The following ATP10D variants were observed in gnomAD, a reference collection of about 807,000 sequenced individuals.
ATP10D encodes ATPase phospholipid transporting 10D (putative).
Under a neutral mutation model 144.8 loss-of-function variants are expected in ATP10D, and 89 were observed. The observed-to-expected ratio is 0.61, with a 90% confidence interval of 0.52 to 0.73. The LOEUF (loss-of-function observed/expected upper bound fraction) is 0.73. Among genes scored for constraint, ATP10D ranks in the 30% least tolerant of loss-of-function variants. The probability of loss-of-function intolerance (pLI) is 0.00; values close to 1 mark genes in which losing one functional copy is unlikely to be tolerated. For synonymous variants in ATP10D, 571 were observed against 615.1 expected (o/e 0.93, Z 1.06); for missense variants, 1,603 against 1,714.8 (o/e 0.93, Z 1.15).
intron 1 of ATP10D, among the ~76,000 whole-genome samples, chr4:47,505,248 T>C (rs1461121792): frequency 6.6e-6 from 1 of 152,244 alleles, no homozygotes; most frequent in African/African-American, 2.4e-5. Context: ...ACATGAGTGA[T>C]AGCTAATAAA....
chr4:47,501,606 C>G (rs554569108), intron 1 of ATP10D, among the ~76,000 whole-genome samples: 2 of 152,256 alleles, frequency 1.3e-5, no homozygotes, highest in African/African-American at 4.8e-5. Context: ...TATCAGAGCC[C>G]TCTGATAGCC....
intron 10 of ATP10D, among the ~76,000 whole-genome samples, chr4:47,549,846 T>G (rs13106975): frequency 0.23 from 34,587 of 152,032 alleles, 4,003 homozygotes; most frequent in East Asian, 0.3. Flanking sequence ...GGAAAGGCAT[T>G]TGGAGCTGAC....
chr4:47,591,483 G>A lies in ATP10D; in HGVS notation c.*102G>A, dbSNP rs1195530453. 5 of 1,007,416 alleles carry A rather than the reference G, an allele frequency of 5.0e-6. No individual in the cohort carries two copies. The South Asian group carries it at 6.7e-5, about 13-fold the overall frequency. 62.4% of individuals were successfully genotyped at this position (1,007,416 alleles called of 1,614,324 possible). Reference sequence around the variant, plus strand: ...TGACTTGTTTTTCCATAAGGGACATGAGCATTTTACTAGGCTTGGAAGAGC... The same window carrying A: ...TGACTTGTTTTTCCATAAGGGACATAAGCATTTTACTAGGCTTGGAAGAGC... On this transcript the variant is annotated 3_prime_UTR_variant, in exon 23 of 23. Transcript: ENST00000273859.
At chr4:47,495,982 C>T in intron 1 of ATP10D, among the ~76,000 whole-genome samples, 1 of 151,708 alleles carries the variant, frequency 6.6e-6, no homozygotes, top group Non-Finnish European at 1.5e-5. Context: ...GGTGATCTGC[C>T]CACCTCGGCC....
chr4:47,515,712 A>G (rs950239648), intron 3 of ATP10D, 42 bp downstream of exon 3: 3 of 1,431,766 alleles, frequency 2.1e-6, no homozygotes, highest in Admixed American at 1.9e-5. Flanking sequence ...TGTATGTATC[A>G]TTGAGAAATA....
intron 1 of ATP10D, among the ~76,000 whole-genome samples, chr4:47,511,792 T>C (rs1716342405): frequency 6.6e-6 from 1 of 152,118 alleles, no homozygotes; most frequent in Admixed American, 6.5e-5. Flanking sequence ...CAGTCAGTGG[T>C]GTTATTTATG....
chr4:47,509,909 G>A (rs1388154691), intron 1 of ATP10D, among the ~76,000 whole-genome samples: 1 of 151,116 alleles, frequency 6.6e-6, no homozygotes, highest in African/African-American at 2.4e-5. Context: ...AGGTGGTAAG[G>A]GTAAGAAATA....
At chr4:47,573,444 T>C (rs7699613) in intron 18 of ATP10D, among the ~76,000 whole-genome samples, 67,905 of 152,106 alleles carry the variant, frequency 0.45, 15,619 homozygotes, top group East Asian at 0.7. Flanking sequence ...GAAAACCTAG[T>C]ATGTCTTAGC....
chr4:47,530,116 C>G (rs1475391064), intron 5 of ATP10D, among the ~76,000 whole-genome samples: 2 of 152,098 alleles, frequency 1.3e-5, no homozygotes, highest in Non-Finnish European at 2.9e-5. Flanking sequence ...TTCCTATTTT[C>G]CAATTTGAAT....
rs1441700314 is a variant in ATP10D, at chr4:47,536,008, C to G, written c.990C>G (p.Val330=). Residue 330 remains valine, a synonymous_variant, in exon 7 of 23, where the codon GTC becomes GTG. Transcript: ENST00000273859. The part of the protein sequence containing the change: ...TDVLWCVMLL[V]IMCLTGAVGH... ...TCCTCTGGTGTGTCATGCTTCTGGT[C>G]ATAATGTGCTTAACTGGCGCAGTAG... 6.2e-7 allele frequency: 1 copy of G among 1,612,072 alleles called. No homozygotes were observed. The highest frequency in any genetic ancestry group is 2.2e-5 in the East Asian group (1 of 44,852).
At chr4:47,561,577 G>T (rs1243914073) in intron 14 of ATP10D, among the ~76,000 whole-genome samples, 1 of 152,028 alleles carries the variant, frequency 6.6e-6, no homozygotes, top group Admixed American at 6.6e-5. Flanking sequence ...TGTTTGCCTG[G>T]CTCCAAGCTT....
intron 1 of ATP10D, among the ~76,000 whole-genome samples, chr4:47,498,128 A>C (rs559607433): frequency 6.6e-6 from 1 of 152,318 alleles, no homozygotes; most frequent in African/African-American, 2.4e-5. Context: ...GGTCATAAGA[A>C]GTCCCACTAG....
intron 10 of ATP10D, among the ~76,000 whole-genome samples, chr4:47,548,096 C>T (rs369194146): frequency 1.3e-5 from 2 of 152,010 alleles, no homozygotes; most frequent in South Asian, 4.2e-4. Context: ...CATTTTCCAT[C>T]CACCTGAAAG....
intron 15 of ATP10D, among the ~76,000 whole-genome samples, chr4:47,564,328 AAAGTTTTTTTT>A (rs1197983188): frequency 6.6e-6 from 1 of 151,208 alleles, no homozygotes; most frequent in Non-Finnish European, 1.5e-5. Context: ...GCATTAGAAG[AAAGTTTTTTTT>A]TTTTATTTGC....
intron 1 of ATP10D, among the ~76,000 whole-genome samples, chr4:47,495,434 C>G (rs894733333): frequency 6.6e-6 from 1 of 152,044 alleles, no homozygotes; most frequent in Non-Finnish European, 1.5e-5. Context: ...GAAGTTTCAT[C>G]AAAATTTAAC....
chr4:47,587,299 A>G lies in ATP10D; in HGVS notation c.3941+93A>G, dbSNP rs572442177. The stretch of plus-strand genomic sequence containing the variant: ...CACTACTACGAATGGTTGGCAGCCC[A>G]CCCTGTTTAGTAGTGAGAAAGTCAA... On this transcript the variant is annotated intron_variant, in intron 22 of 22. Coordinates refer to ENST00000273859, the MANE Select transcript of ATP10D (RefSeq NM_020453.4). 3.1e-4 allele frequency: 359 copies of G among 1,156,926 alleles called. No homozygotes were observed. The African/African-American group carries it at 5.1e-3, about 16-fold the overall frequency. 71.7% of individuals were successfully genotyped at this position (1,156,926 alleles called of 1,614,324 possible).
chr4:47,490,219 CTTCTTTACTAAA>C (rs1307960591), intron 1 of ATP10D, among the ~76,000 whole-genome samples: 6 of 152,144 alleles, frequency 3.9e-5, no homozygotes, highest in Non-Finnish European at 8.8e-5. Context: ...AACATCTCTT[CTTCTTTACTAAA>C]TTCTTTCCTA....
At chr4:47,537,010 T>C (rs981092155) in intron 9 of ATP10D, 72 bp downstream of exon 9, 3 of 1,479,612 alleles carry the variant, frequency 2.0e-6, no homozygotes, top group Non-Finnish European at 2.7e-6. Context: ...GTGTTGGATG[T>C]CTGACAATTC....
chr4:47,487,154 G>T lies in ATP10D; in HGVS notation c.-38+1635G>T, dbSNP rs538852396. Among the ~76,000 whole-genome samples the T allele has an allele frequency of 2.7e-4, 41 of 150,788 alleles. 1 individual carries two copies. The highest frequency in any genetic ancestry group is 8.8e-4 in the African/African-American group (36 of 41,004). On this transcript the variant is annotated intron_variant, in intron 1 of 22. Transcript: ENST00000273859. ...TGAGGCAGGAGAATCGCTTGAGCCCGGGAGGCGGAGGTTGCTGTGAGTCGA... is the reference window on the plus strand; with the variant it reads ...TGAGGCAGGAGAATCGCTTGAGCCCTGGAGGCGGAGGTTGCTGTGAGTCGA...
Sources: allele counts gnomAD v4.1 joint callset (sites outside exome capture counted in the v4.1 genomes callset), GRCh38; gene constraint gnomAD v4.1.1; transcripts MANE v1.5; gene names NCBI Gene and HGNC (gene_info 2026-07-23, HGNC 2026-07-21).